Variants in PTPRK observed in about 807,000 individuals in gnomAD.
The protein encoded by PTPRK is protein tyrosine phosphatase receptor type K.
In PTPRK, 75 loss-of-function variants were observed where a neutral mutation model predicts 178.0. The ratio of observed to expected loss-of-function variants is 0.42; its 90% confidence interval spans 0.35 to 0.51. PTPRK has a LOEUF of 0.51. Among genes scored for constraint, PTPRK ranks in the 20% least tolerant of loss-of-function variants. The pLI is 0.02. For missense variants in PTPRK, 1,441 were observed against 1,797.8 expected (o/e 0.80, Z 3.59); for synonymous variants, 637 against 620.6 (o/e 1.03, Z -0.39).
chr6:128,056,969 G>C (rs1200321141), intron 13 of PTPRK, among the ~76,000 whole-genome samples: 1 of 152,126 alleles, frequency 6.6e-6, no homozygotes, highest in Non-Finnish European at 1.5e-5. Flanking sequence ...GTGTTTTCAA[G>C]AAATACTTTT....
chr6:128,209,714 T>G (rs1807727075), intron 6 of PTPRK, among the ~76,000 whole-genome samples: 1 of 152,146 alleles, frequency 6.6e-6, no homozygotes. Flanking sequence ...TACATCAGTC[T>G]CATGGAGGAG....
intron 7 of PTPRK, among the ~76,000 whole-genome samples, chr6:128,162,114 T>C (rs1172651868): frequency 6.6e-6 from 1 of 151,624 alleles, no homozygotes; most frequent in Non-Finnish European, 1.5e-5. Context: ...TAAGTGGCAA[T>C]ATACCATTAT....
intron 2 of PTPRK, among the ~76,000 whole-genome samples, chr6:128,335,198 C>T (rs1010535925): frequency 2.6e-5 from 4 of 152,128 alleles, no homozygotes; most frequent in Admixed American, 2.6e-4. Flanking sequence ...TCCTCTCTAC[C>T]ATCTTACTGA....
At chr6:128,360,303 T>G (rs1834552902) in intron 2 of PTPRK, among the ~76,000 whole-genome samples, 1 of 151,154 alleles carries the variant, frequency 6.6e-6, no homozygotes, top group South Asian at 2.2e-4. Flanking sequence ...CCTTGACACA[T>G]TATCATTTCA....
chr6:128,351,873 T>C (rs1209946157), intron 2 of PTPRK, among the ~76,000 whole-genome samples: 2 of 152,182 alleles, frequency 1.3e-5, no homozygotes, highest in Admixed American at 1.3e-4. Flanking sequence ...GTCCAGATCA[T>C]CCATCTCAAT....
At chr6:128,358,790 A>C (rs1025279135) in intron 2 of PTPRK, among the ~76,000 whole-genome samples, 1 of 152,210 alleles carries the variant, frequency 6.6e-6, no homozygotes, top group Non-Finnish European at 1.5e-5. Flanking sequence ...ATGGATTGGT[A>C]GAAAGATAAT....
chr6:128,427,083 C>T (rs932657691), intron 1 of PTPRK, among the ~76,000 whole-genome samples: 3 of 152,174 alleles, frequency 2.0e-5, no homozygotes, highest in Non-Finnish European at 2.9e-5. Context: ...TAGTACTGAA[C>T]AGGCACATGT....
intron 1 of PTPRK, among the ~76,000 whole-genome samples, chr6:128,442,974 T>C (rs1846475744): frequency 6.6e-6 from 1 of 151,994 alleles, no homozygotes; most frequent in Non-Finnish European, 1.5e-5. Context: ...AGCGCAAACA[T>C]ATGTGTACTT....
chr6:128,076,477 G>A (rs983164489), intron 11 of PTPRK, among the ~76,000 whole-genome samples: 8 of 152,026 alleles, frequency 5.3e-5, no homozygotes, highest in African/African-American at 1.9e-4. Context: ...GATGGACTTG[G>A]TGGGATTAGC....
At chr6:128,290,876 T>C (rs1823261717) in intron 3 of PTPRK, among the ~76,000 whole-genome samples, 1 of 152,128 alleles carries the variant, frequency 6.6e-6, no homozygotes, top group African/African-American at 2.4e-5. Flanking sequence ...ACTATATGCC[T>C]GGTATTAAAC....
intron 7 of PTPRK, among the ~76,000 whole-genome samples, chr6:128,156,701 G>A (rs937189535): frequency 6.6e-6 from 1 of 151,894 alleles, no homozygotes; most frequent in African/African-American, 2.4e-5. Flanking sequence ...ACAAAAAGAT[G>A]AGAGGAATAT....
At chr6:128,388,082 T>C (rs1010861084) in intron 2 of PTPRK, among the ~76,000 whole-genome samples, 2 of 152,226 alleles carry the variant, frequency 1.3e-5, no homozygotes, top group Non-Finnish European at 2.9e-5. Flanking sequence ...AATACAATGC[T>C]GTTTTAATAA....
intron 1 of PTPRK, among the ~76,000 whole-genome samples, chr6:128,468,565 T>C (rs566814868): frequency 2.0e-5 from 3 of 152,264 alleles, no homozygotes; most frequent in African/African-American, 4.8e-5. Context: ...TTGATATAAA[T>C]TGTCATGAGT....
chr6:128,028,511 A>G (rs1475377806), intron 13 of PTPRK, among the ~76,000 whole-genome samples: 1 of 152,228 alleles, frequency 6.6e-6, no homozygotes, highest in African/African-American at 2.4e-5. Flanking sequence ...TGAACACTGC[A>G]TTAACTTTCA....
At chr6:128,454,473 A>T (rs957595227) in intron 1 of PTPRK, among the ~76,000 whole-genome samples, 6 of 152,238 alleles carry the variant, frequency 3.9e-5, no homozygotes, top group Admixed American at 3.3e-4. Context: ...TACCTTATTT[A>T]AAAATATTTG....
intron 3 of PTPRK, among the ~76,000 whole-genome samples, chr6:128,259,281 T>C (rs1207845834): frequency 6.6e-6 from 1 of 152,156 alleles, no homozygotes; most frequent in African/African-American, 2.4e-5. Context: ...GCAATACCAC[T>C]GTCAGGGAAC....
chr6:128,156,326 G>A (rs1368900646), intron 7 of PTPRK, among the ~76,000 whole-genome samples: 1 of 151,808 alleles, frequency 6.6e-6, no homozygotes, highest in Non-Finnish European at 1.5e-5. Context: ...TTGCTATAAA[G>A]AACTACCTGA....
intron 1 of PTPRK, among the ~76,000 whole-genome samples, chr6:128,456,074 G>A (rs952734377): frequency 7.2e-5 from 11 of 151,764 alleles, no homozygotes; most frequent in Non-Finnish European, 1.6e-4. Flanking sequence ...ATCATGAATC[G>A]GGCTCCTCAA....
chr6:128,501,700 GAGATT>G (rs1273514202), intron 1 of PTPRK, among the ~76,000 whole-genome samples: 1 of 152,144 alleles, frequency 6.6e-6, no homozygotes, highest in Admixed American at 6.6e-5. Flanking sequence ...AACACTGATA[GAGATT>G]AAATAATGAA....
Sources: gnomAD v4.1 joint callset for allele counts (sites outside exome capture counted in the v4.1 genomes callset) on GRCh38, gnomAD v4.1.1 for gene constraint, MANE v1.5 for transcripts, NCBI Gene and HGNC (gene_info 2026-07-23, HGNC 2026-07-21) for gene names.